PHF24: variants seen among roughly 807,000 people sequenced by gnomAD.
The protein encoded by PHF24 is Galpha inhibitory interacting protein.
PHF24 carries 25 observed loss-of-function variants against 42.6 expected under a neutral mutation model. That is an observed-to-expected ratio of 0.59 (90% CI 0.43 to 0.82). PHF24 has a LOEUF of 0.82. Among genes scored for constraint, PHF24 ranks in the 40% least tolerant of loss-of-function variants. PHF24 has a pLI of 0.00. For synonymous variants in PHF24, 185 were observed against 204.8 expected (o/e 0.90, Z 0.83); for missense variants, 470 against 538.1 (o/e 0.87, Z 1.25).
the PHF24 span, among the ~76,000 whole-genome samples, chr9:34,763,634 C>A: frequency 6.6e-6 from 1 of 152,132 alleles, no homozygotes; most frequent in Non-Finnish European, 1.5e-5. Flanking sequence ...ACAATCATGT[C>A]ATCTGCAAAC....
the PHF24 span, among the ~76,000 whole-genome samples, chr9:34,765,708 T>G: frequency 3.3e-5 from 5 of 151,930 alleles, no homozygotes; most frequent in Non-Finnish European, 5.9e-5. Flanking sequence ...ACATTTAAAG[T>G]TAATATTGTT....
chr9:34,972,552 C>A (rs765555785), intron 3 of PHF24, 21 bp downstream of exon 3: 2 of 1,568,372 alleles, frequency 1.3e-6, no homozygotes, highest in Admixed American at 3.7e-5. Context: ...ACTGCAGGGA[C>A]AGCAGAGGAC....
At chr9:34,910,198 T>C in the PHF24 span, among the ~76,000 whole-genome samples, 1 of 152,224 alleles carries the variant, frequency 6.6e-6, no homozygotes, top group Non-Finnish European at 1.5e-5. Context: ...TAATTAGTCT[T>C]CTACAGTATT....
chr9:34,691,224 C>T, the PHF24 span: 1,527 of 1,233,762 alleles, frequency 1.2e-3, 5 homozygotes, highest in African/African-American at 9.1e-3. Flanking sequence ...GGCTGCAGGG[C>T]GACTGGGATG....
chr9:34,825,631 G>A, the PHF24 span, among the ~76,000 whole-genome samples: 1 of 151,784 alleles, frequency 6.6e-6, no homozygotes, highest in Non-Finnish European at 1.5e-5. Context: ...GAACACCCAA[G>A]GACTCATGAA....
At chr9:34,741,375 T>C in the PHF24 span, among the ~76,000 whole-genome samples, 4 of 152,078 alleles carry the variant, frequency 2.6e-5, no homozygotes, top group Non-Finnish European at 4.4e-5. Flanking sequence ...TTTTCTTTTT[T>C]TTTTGAGACG....
At chr9:34,713,673 A>C in the PHF24 span, among the ~76,000 whole-genome samples, 1 of 152,138 alleles carries the variant, frequency 6.6e-6, no homozygotes, top group Non-Finnish European at 1.5e-5. Context: ...ACATTTTAAA[A>C]TCTTTTATCC....
chr9:34,845,281 A>G, the PHF24 span, among the ~76,000 whole-genome samples: 7 of 152,154 alleles, frequency 4.6e-5, no homozygotes, highest in East Asian at 1.3e-3. Flanking sequence ...CCACTCTGCC[A>G]CTTTATGTCT....
exon 4 of PHF24, chr9:34,976,169 G>C: frequency 6.2e-7 from 1 of 1,614,038 alleles, no homozygotes; most frequent in Non-Finnish European, 8.5e-7. Context: ...TCAACTTGCT[G>C]CTTACTGAGG....
the PHF24 span, among the ~76,000 whole-genome samples, chr9:34,779,786 C>T: frequency 1.3e-5 from 2 of 151,948 alleles, no homozygotes; most frequent in Non-Finnish European, 2.9e-5. Context: ...AGTGCAATGG[C>T]GCGATCTTGG....
the PHF24 span, among the ~76,000 whole-genome samples, chr9:34,853,378 G>A: frequency 6.6e-6 from 1 of 152,112 alleles, no homozygotes; most frequent in Admixed American, 6.5e-5. Flanking sequence ...ATCTTATTAA[G>A]GATTTTTGCG....
chr9:34,887,265 T>A, the PHF24 span, among the ~76,000 whole-genome samples: 1 of 152,192 alleles, frequency 6.6e-6, no homozygotes, highest in African/African-American at 2.4e-5. Flanking sequence ...TCCCTGCTTC[T>A]ACTCAAATCT....
chr9:34,756,983 G>A, the PHF24 span, among the ~76,000 whole-genome samples: 3 of 151,984 alleles, frequency 2.0e-5, no homozygotes. Context: ...TTGGCTCACT[G>A]CAACCTCAAC....
the PHF24 span, among the ~76,000 whole-genome samples, chr9:34,859,142 G>C: frequency 6.6e-6 from 1 of 152,098 alleles, no homozygotes; most frequent in Non-Finnish European, 1.5e-5. Flanking sequence ...GTCTCATACA[G>C]CTACTGCTTG....
At chr9:34,700,947 G>A in the PHF24 span, among the ~76,000 whole-genome samples, 1 of 152,198 alleles carries the variant, frequency 6.6e-6, no homozygotes, top group Admixed American at 6.5e-5. Context: ...TCCAATGGGG[G>A]TGGGGGACTG....
chr9:34,720,401 C>A, the PHF24 span, among the ~76,000 whole-genome samples: 1 of 149,946 alleles, frequency 6.7e-6, no homozygotes, highest in African/African-American at 2.5e-5. Context: ...GCCGAGATTG[C>A]GCCACTGCAG....
chr9:34,893,074 CAT>C, the PHF24 span: 1 of 969,074 alleles, frequency 1.0e-6, no homozygotes, highest in Non-Finnish European at 1.5e-6. Context: ...TCTCCAGAGC[CAT>C]AACATTGCAG....
At chr9:34,723,407 C>T in the PHF24 span, 56 of 1,551,584 alleles carry the variant, frequency 3.6e-5, no homozygotes, top group Non-Finnish European at 4.4e-5. Flanking sequence ...CTGAGCAGGA[C>T]GAGATTGGGC....
At chr9:34,723,138 C>T in the PHF24 span, 1 of 1,419,090 alleles carries the variant, frequency 7.0e-7, no homozygotes, top group Admixed American at 2.7e-5. Context: ...CTCTGGAGGG[C>T]TGCAGCAGTT....
Sources: allele counts gnomAD v4.1 joint callset (sites outside exome capture counted in the v4.1 genomes callset), GRCh38; gene constraint gnomAD v4.1.1; transcripts MANE v1.5; gene names NCBI Gene and HGNC (gene_info 2026-07-23, HGNC 2026-07-21).